The following OR51B5 variants were observed in gnomAD, a reference collection of about 807,000 sequenced individuals.
OR51B5 encodes the protein olfactory receptor family 51 subfamily B member 5, also known as olfactory receptor 51B5.
For missense variants in OR51B5, 456 were observed against 374.6 expected (o/e 1.22, Z -1.79); for synonymous variants, 186 against 144.8 (o/e 1.28, Z -2.04).
intron 1 of OR51B5, among the ~76,000 whole-genome samples, chr11:5,401,296 AAC>A (rs1447566735): frequency 3.9e-5 from 6 of 152,264 alleles, no homozygotes; most frequent in Admixed American, 2.0e-4. Context: ...CTGTTGAGTC[AAC>A]AGATTGTGGA....
intron 1 of OR51B5, among the ~76,000 whole-genome samples, chr11:5,410,364 T>G (rs887031879): frequency 6.6e-6 from 1 of 152,160 alleles, no homozygotes; most frequent in Non-Finnish European, 1.5e-5. Flanking sequence ...CTAGCATTAC[T>G]GGGAAAATTG....
intron 1 of OR51B5, among the ~76,000 whole-genome samples, chr11:5,412,898 G>A (rs1052936135): frequency 6.6e-6 from 1 of 152,012 alleles, no homozygotes; most frequent in African/African-American, 2.4e-5. Flanking sequence ...AGTAACCTCT[G>A]CAGACTTAAA....
At chr11:5,356,220 A>C (rs950752781) in intron 1 of OR51B5, among the ~76,000 whole-genome samples, 1 of 152,126 alleles carries the variant, frequency 6.6e-6, no homozygotes, top group African/African-American at 2.4e-5. Flanking sequence ...AAAAGTTAAA[A>C]ACCTTGAAAA....
intron 1 of OR51B5, among the ~76,000 whole-genome samples, chr11:5,423,620 AATG>A (rs1850394765): frequency 6.6e-6 from 1 of 152,248 alleles, no homozygotes; most frequent in South Asian, 2.1e-4. Flanking sequence ...TTTGCAAAGG[AATG>A]ATAACATTTT....
At chr11:5,433,650 G>A (rs1046886277) in intron 1 of OR51B5, among the ~76,000 whole-genome samples, 1 of 152,032 alleles carries the variant, frequency 6.6e-6, no homozygotes, top group South Asian at 2.1e-4. Context: ...ACATAGCAAG[G>A]CCCCATCTGT....
intron 1 of OR51B5, among the ~76,000 whole-genome samples, chr11:5,472,499 C>T (rs1035353180): frequency 6.6e-6 from 1 of 152,140 alleles, no homozygotes; most frequent in African/African-American, 2.4e-5. Flanking sequence ...CCACCCACTC[C>T]CTGCTCTGAG....
At chr11:5,454,425 T>C (rs1418822104) in intron 1 of OR51B5, 9 of 1,601,664 alleles carry the variant, frequency 5.6e-6, no homozygotes, top group South Asian at 1.1e-5. Context: ...CATCAAAATA[T>C]GACTTTCACA....
chr11:5,406,451 A>G (rs1181635866), intron 1 of OR51B5, among the ~76,000 whole-genome samples: 3 of 152,152 alleles, frequency 2.0e-5, no homozygotes, highest in Non-Finnish European at 4.4e-5. Context: ...TGTCTATGAA[A>G]TTGTGTAATA....
chr11:5,429,634 G>A (rs7116089), intron 1 of OR51B5, among the ~76,000 whole-genome samples: 6,740 of 152,156 alleles, frequency 0.044, 499 homozygotes, highest in African/African-American at 0.15. Flanking sequence ...GGCAGATGCA[G>A]AGGGGAGGGG....
At chr11:5,381,615 C>A (rs1289200733) in intron 1 of OR51B5, among the ~76,000 whole-genome samples, 1 of 152,188 alleles carries the variant, frequency 6.6e-6, no homozygotes, top group East Asian at 1.9e-4. Context: ...TCTTCAAGTT[C>A]TTGATCAGAG....
At chr11:5,414,305 C>A (rs1330498995) in intron 1 of OR51B5, among the ~76,000 whole-genome samples, 3 of 148,028 alleles carry the variant, frequency 2.0e-5, no homozygotes, top group Admixed American at 1.4e-4. Context: ...AAAGGAACAA[C>A]CGGTACCAGC....
rs60832895 is a variant in OR51B5, at chr11:5,440,875, T to C, written n.84+64694A>G. ...AATGCGTAGGAAAGCAGGATGAAAGTTGAGTCCATACCATAGGTAAAAATG... is the reference window on the plus strand; with the variant it reads ...AATGCGTAGGAAAGCAGGATGAAAGCTGAGTCCATACCATAGGTAAAAATG... On this transcript the variant is annotated intron_variant and non_coding_transcript_variant, in intron 1 of 4. Coordinates refer to the OR51B5 transcript ENST00000415970. 37,319 of 1,613,576 alleles carry C rather than the reference T, an allele frequency of 0.023. 3,855 individuals carry two copies. In the East Asian group the frequency reaches 0.33, roughly 14 times the overall value.
At position 5,465,205 on chromosome 11, in the gene OR51B5, C is replaced by CAAAAA. The variant is rs34459420; in HGVS notation, n.84+40359_84+40363dup. ...TGGGCGACAGAGCGAGACTCCGTCT[C>CAAAAA]AAAAAAAAAAAAAAAAAAAAAAAAA... On this transcript the variant is annotated intron_variant and non_coding_transcript_variant, in intron 1 of 4. Transcript: ENST00000415970. Among the ~76,000 whole-genome samples, 255 of 45,388 alleles carry CAAAAA rather than the reference C, an allele frequency of 5.6e-3. 12 individuals are homozygous for CAAAAA. The highest frequency in any genetic ancestry group is 0.019 in the African/African-American group (228 of 12,258). 29.8% of individuals were successfully genotyped at this position (45,388 alleles called of 152,430 possible).
intron 1 of OR51B5, among the ~76,000 whole-genome samples, chr11:5,388,652 A>G (rs1015725984): frequency 7.3e-5 from 11 of 151,218 alleles, no homozygotes; most frequent in African/African-American, 2.7e-4. Flanking sequence ...GAGAGAAAAT[A>G]AGGTAGGGTC....
upstream of OR51B5, among the ~76,000 whole-genome samples, chr11:5,344,839 T>TC (rs1848965502): frequency 6.6e-6 from 1 of 152,104 alleles, no homozygotes; most frequent in Non-Finnish European, 1.5e-5. Context: ...TAAATGCAAG[T>TC]TTAACATAAA....
chr11:5,341,461 C>A (rs779260611), downstream of OR51B5: 3 of 152,182 alleles, frequency 2.0e-5, no homozygotes, highest in Non-Finnish European at 4.4e-5. Flanking sequence ...TAAACAATAT[C>A]TTCTATATAG....
rs1431077447 is a variant in OR51B5, at chr11:5,358,494, ATAAT to A, written n.85-11588_85-11585del. 4.6e-5 allele frequency among the ~76,000 whole-genome samples: 7 copies of A among 152,224 alleles called. No individual in the cohort carries two copies. In the South Asian group the frequency reaches 1.0e-3, roughly 23 times the overall value. On this transcript the variant is annotated intron_variant and non_coding_transcript_variant, in intron 1 of 4. Coordinates refer to the OR51B5 transcript ENST00000415970. ...AATAACAGGATCTGAAATTGAGGCA[ATAAT>A]TAATAGCTTACCAACCAAAAACAGT...
At chr11:5,403,402 G>A (rs550522670) in intron 1 of OR51B5, 5 of 471,218 alleles carry the variant, frequency 1.1e-5, no homozygotes, top group African/African-American at 2.0e-5. Context: ...CTTGGACATC[G>A]TGTGTCCCCT....
intron 1 of OR51B5, among the ~76,000 whole-genome samples, chr11:5,471,495 G>A (rs1434072207): frequency 6.6e-6 from 1 of 152,040 alleles, no homozygotes; most frequent in Non-Finnish European, 1.5e-5. Flanking sequence ...AACTACCCAG[G>A]CGTGGTCACA....
Sources: allele counts gnomAD v4.1 joint callset (sites outside exome capture counted in the v4.1 genomes callset), GRCh38; gene constraint gnomAD v4.1.1; transcripts MANE v1.5; gene names NCBI Gene and HGNC (gene_info 2026-07-23, HGNC 2026-07-21).